Variants in CSMD1 observed in about 807,000 individuals in gnomAD.
CSMD1 encodes the protein CUB and Sushi multiple domains 1.
Under a neutral mutation model 417.5 loss-of-function variants are expected in CSMD1, and 213 were observed. That is an observed-to-expected ratio of 0.51 (90% CI 0.46 to 0.57). The LOEUF (loss-of-function observed/expected upper bound fraction) is 0.57. CSMD1 is among the 20% of genes least tolerant of loss of function. The probability of loss-of-function intolerance (pLI) is 0.00; values close to 1 mark genes in which losing one functional copy is unlikely to be tolerated. For synonymous variants in CSMD1, 2,862 were observed against 1,736.8 expected (o/e 1.65, Z -16.11); for missense variants, 6,923 against 4,529.7 (o/e 1.53, Z -15.17).
chr8:4,083,938 C>T (rs929456422), intron 3 of CSMD1, among the ~76,000 whole-genome samples: 3 of 152,158 alleles, frequency 2.0e-5, no homozygotes, highest in Non-Finnish European at 4.4e-5. Context: ...TCGCAACCTA[C>T]TCACATCTGA....
intron 5 of CSMD1, among the ~76,000 whole-genome samples, chr8:3,767,884 T>C (rs149842579): frequency 0.01 from 1,563 of 152,296 alleles, 13 homozygotes; most frequent in South Asian, 0.028. Context: ...TTATATATCA[T>C]GGTAAAAAGT....
intron 1 of CSMD1, among the ~76,000 whole-genome samples, chr8:4,980,445 G>A (rs1268357036): frequency 1.3e-5 from 2 of 152,182 alleles, no homozygotes; most frequent in South Asian, 2.1e-4. Flanking sequence ...TTTGTCAGGC[G>A]AGGAGGCTTT....
intron 10 of CSMD1, among the ~76,000 whole-genome samples, chr8:3,514,401 G>C (rs991057244): frequency 6.6e-6 from 1 of 152,146 alleles, no homozygotes; most frequent in Non-Finnish European, 1.5e-5. Flanking sequence ...CAATCTCTTG[G>C]AATGATTACA....
intron 3 of CSMD1, among the ~76,000 whole-genome samples, chr8:4,324,085 C>G (rs1193156249): frequency 6.6e-6 from 1 of 152,156 alleles, no homozygotes; most frequent in Non-Finnish European, 1.5e-5. Flanking sequence ...GATTTTACAC[C>G]TTTTACCTTC....
rs113619146 is a variant in CSMD1, at chr8:3,153,691, G to A, written c.5915-2178C>T. Among the ~76,000 whole-genome samples, 60 of 152,322 alleles carry A rather than the reference G, an allele frequency of 3.9e-4. 1 individual carries two copies. Among genetic ancestry groups the A allele is most frequent in the Middle Eastern group, 6.8e-3 (2 of 294 alleles). Reference sequence around the variant, plus strand: ...TTCAGCTGAGGACTGAGGCAGCCCTGCAGGAGGGGCTGGCCCAGGACCTCA... The same window carrying A: ...TTCAGCTGAGGACTGAGGCAGCCCTACAGGAGGGGCTGGCCCAGGACCTCA... On this transcript the variant is annotated intron_variant, in intron 39 of 69. Coordinates refer to ENST00000635120, the MANE Select transcript of CSMD1 (RefSeq NM_033225.6).
intron 1 of CSMD1, among the ~76,000 whole-genome samples, chr8:4,924,250 G>C (rs983267581): frequency 6.6e-6 from 1 of 152,120 alleles, no homozygotes; most frequent in Non-Finnish European, 1.5e-5. Flanking sequence ...ATGTGACCAT[G>C]ATAAAGTTGT....
chr8:3,134,129 A>G (rs1029125167), intron 41 of CSMD1, among the ~76,000 whole-genome samples: 1 of 152,136 alleles, frequency 6.6e-6, no homozygotes, highest in Admixed American at 6.5e-5. Context: ...CCGAGAGTGT[A>G]TCACTGCACT....
At chr8:4,545,188 G>C (rs967884474) in intron 2 of CSMD1, among the ~76,000 whole-genome samples, 1 of 152,184 alleles carries the variant, frequency 6.6e-6, no homozygotes, top group African/African-American at 2.4e-5. Flanking sequence ...ACAGCTATGA[G>C]AACCTGAACA....
At chr8:4,662,165 C>T (rs894272972) in intron 1 of CSMD1, among the ~76,000 whole-genome samples, 2 of 152,072 alleles carry the variant, frequency 1.3e-5, no homozygotes, top group Admixed American at 6.6e-5. Flanking sequence ...GAAATGAAAA[C>T]CCCCTATTAA....
At chr8:3,426,689 TAC>T (rs1813863238) in intron 12 of CSMD1, among the ~76,000 whole-genome samples, 1 of 152,232 alleles carries the variant, frequency 6.6e-6, no homozygotes, top group Non-Finnish European at 1.5e-5. Flanking sequence ...TTTCTTACAT[TAC>T]AAACCACTAA....
chr8:4,114,037 T>C (rs926021347), intron 3 of CSMD1, among the ~76,000 whole-genome samples: 2 of 152,204 alleles, frequency 1.3e-5, no homozygotes, highest in African/African-American at 4.8e-5. Context: ...AGATCATTGA[T>C]GAAGACGGCT....
chr8:3,797,020 T>A (rs1296484592), intron 5 of CSMD1, among the ~76,000 whole-genome samples: 4 of 151,862 alleles, frequency 2.6e-5, no homozygotes, highest in Non-Finnish European at 5.9e-5. Flanking sequence ...GTTAATTATA[T>A]AAATTTAAAA....
intron 10 of CSMD1, among the ~76,000 whole-genome samples, chr8:3,505,875 T>C (rs1404757034): frequency 1.3e-5 from 2 of 152,094 alleles, no homozygotes; most frequent in Non-Finnish European, 2.9e-5. Context: ...CTTCAAATAA[T>C]AAGATTAATT....
chr8:4,872,052 A>G (rs1341061294), intron 1 of CSMD1, among the ~76,000 whole-genome samples: 5 of 152,104 alleles, frequency 3.3e-5, no homozygotes, highest in African/African-American at 9.7e-5. Flanking sequence ...CAATATTAAT[A>G]AATAACTTGC....
At chr8:3,660,672 C>G (rs1399847920) in intron 7 of CSMD1, among the ~76,000 whole-genome samples, 1 of 151,844 alleles carries the variant, frequency 6.6e-6, no homozygotes, top group African/African-American at 2.4e-5. Flanking sequence ...AGGGTCCCTC[C>G]ACCACACCTG....
At chr8:3,727,959 T>A (rs2129046653) in intron 6 of CSMD1, among the ~76,000 whole-genome samples, 1 of 152,140 alleles carries the variant, frequency 6.6e-6, no homozygotes, top group Non-Finnish European at 1.5e-5. Context: ...TAATGAGAGT[T>A]TAATGGGTGC....
At chr8:3,827,987 A>T (rs1802151648) in intron 5 of CSMD1, among the ~76,000 whole-genome samples, 1 of 152,224 alleles carries the variant, frequency 6.6e-6, no homozygotes, top group African/African-American at 2.4e-5. Context: ...TAACATAAAC[A>T]GAAACAACCT....
chr8:3,839,930 G>C (rs77895874), intron 5 of CSMD1, among the ~76,000 whole-genome samples: 3,213 of 152,130 alleles, frequency 0.021, 113 homozygotes, highest in African/African-American at 0.073. Context: ...CAGAGATGCA[G>C]TGATCTTCTG....
intron 12 of CSMD1, among the ~76,000 whole-genome samples, chr8:3,447,559 A>C (rs948589553): frequency 6.6e-6 from 1 of 152,224 alleles, no homozygotes; most frequent in Non-Finnish European, 1.5e-5. Flanking sequence ...ACCACTGTTC[A>C]CAGAGGGCGA....
Sources: gnomAD v4.1 joint callset for allele counts (sites outside exome capture counted in the v4.1 genomes callset) on GRCh38, gnomAD v4.1.1 for gene constraint, MANE v1.5 for transcripts, NCBI Gene and HGNC (gene_info 2026-07-23, HGNC 2026-07-21) for gene names.